NLGN1: variants seen among roughly 807,000 people sequenced by gnomAD.
NLGN1 encodes neuroligin 1.
NLGN1 carries 12 observed loss-of-function variants against 65.5 expected under a neutral mutation model. The ratio of observed to expected loss-of-function variants is 0.18; its 90% confidence interval spans 0.12 to 0.30. The LOEUF (loss-of-function observed/expected upper bound fraction) is 0.30. NLGN1 is among the 10% of genes least tolerant of loss of function. The pLI, the probability that NLGN1 is intolerant of heterozygous loss-of-function variation, is 1.00. For synonymous variants in NLGN1, 350 were observed against 359.5 expected (o/e 0.97, Z 0.30); for missense variants, 750 against 1,007.1 (o/e 0.74, Z 3.46).
At chr3:174,171,650 G>C (rs935103816) in intron 4 of NLGN1, among the ~76,000 whole-genome samples, 4 of 152,110 alleles carry the variant, frequency 2.6e-5, no homozygotes, top group Admixed American at 6.6e-5. Flanking sequence ...CATTTTTACA[G>C]AGTTGTCATA....
intron 4 of NLGN1, among the ~76,000 whole-genome samples, chr3:173,962,277 A>G (rs1248993061): frequency 2.0e-5 from 3 of 152,090 alleles, no homozygotes; most frequent in African/African-American, 7.2e-5. Context: ...TTGTCTTCAG[A>G]CGCATTTTGA....
intron 4 of NLGN1, among the ~76,000 whole-genome samples, chr3:174,236,029 A>G (rs1039383506): frequency 1.4e-4 from 22 of 152,148 alleles, no homozygotes; most frequent in African/African-American, 5.3e-4. Flanking sequence ...ACTCTTATTC[A>G]CTGCTCTTTC....
intron 4 of NLGN1, among the ~76,000 whole-genome samples, chr3:174,266,366 C>T (rs115781301): frequency 0.01 from 1,563 of 152,196 alleles, 28 homozygotes; most frequent in East Asian, 0.03. Context: ...GCTCCATCCA[C>T]GTTGCTGCAA....
chr3:174,219,504 A>T (rs1182934647), intron 4 of NLGN1, among the ~76,000 whole-genome samples: 1 of 152,138 alleles, frequency 6.6e-6, no homozygotes, highest in Admixed American at 6.5e-5. Flanking sequence ...CTGATTGATA[A>T]ATCTGGAATG....
At chr3:173,722,034 T>G (rs1164959680) in intron 3 of NLGN1, among the ~76,000 whole-genome samples, 1 of 151,818 alleles carries the variant, frequency 6.6e-6, no homozygotes, top group African/African-American at 2.4e-5. Context: ...TGCTACAAAA[T>G]TGTAAGTGCC....
rs763046532 is a variant in NLGN1, at chr3:173,918,702, GTATATA to G, written c.646+110878_646+110883del. ...TGTGTGTGTGTGTGTGTGTGTGTGTGTATATATATATATTGCATAGAATGGTAACGT... is the reference window on the plus strand; with the variant it reads ...TGTGTGTGTGTGTGTGTGTGTGTGTGTATATATTGCATAGAATGGTAACGT... On this transcript the variant is annotated intron_variant, in intron 4 of 6. Coordinates refer to ENST00000457714, the Ensembl canonical transcript of NLGN1. Among the ~76,000 whole-genome samples the G allele has an allele frequency of 7.4e-3, 501 of 68,012 alleles. 7 individuals are homozygous for G. The highest frequency in any genetic ancestry group is 0.026 in the African/African-American group (472 of 18,494). 44.6% of individuals were successfully genotyped at this position (68,012 alleles called of 152,430 possible). A position where few individuals can be genotyped will look rare whatever the true frequency, so the allele number is the denominator to read the frequency against.
intron 2 of NLGN1, among the ~76,000 whole-genome samples, chr3:173,593,731 C>A (rs1748949361): frequency 6.6e-6 from 1 of 152,124 alleles, no homozygotes; most frequent in Non-Finnish European, 1.5e-5. Context: ...AGTCTGTTTT[C>A]ATGCTGCTGA....
At chr3:174,025,792 G>T (rs1728718968) in intron 4 of NLGN1, among the ~76,000 whole-genome samples, 1 of 152,166 alleles carries the variant, frequency 6.6e-6, no homozygotes, top group Admixed American at 6.5e-5. Context: ...GGAAATGATT[G>T]TCACTGTAGA....
chr3:173,809,906 C>T (rs1286141884), intron 4 of NLGN1, among the ~76,000 whole-genome samples: 3 of 152,118 alleles, frequency 2.0e-5, no homozygotes, highest in Non-Finnish European at 2.9e-5. Flanking sequence ...TATGATTTCC[C>T]AGTGTTAAAT....
chr3:173,930,429 G>A (rs191267283), intron 4 of NLGN1, among the ~76,000 whole-genome samples: 42 of 152,208 alleles, frequency 2.8e-4, no homozygotes, highest in East Asian at 7.7e-4. Context: ...ACTGCAGCCC[G>A]CTGTGAAGGG....
At chr3:173,846,331 AG>A (rs1197133451) in intron 4 of NLGN1, among the ~76,000 whole-genome samples, 1 of 152,162 alleles carries the variant, frequency 6.6e-6, no homozygotes, top group Non-Finnish European at 1.5e-5. Flanking sequence ...TGGGTGACCC[AG>A]GGCTCAGTGC....
At chr3:173,938,929 A>G (rs1232336443) in intron 4 of NLGN1, among the ~76,000 whole-genome samples, 1 of 152,186 alleles carries the variant, frequency 6.6e-6, no homozygotes, top group Non-Finnish European at 1.5e-5. Context: ...CAGAGATATA[A>G]TTTGGGGTGA....
chr3:173,446,482 T>G (rs1720347841), intron 2 of NLGN1, among the ~76,000 whole-genome samples: 1 of 152,208 alleles, frequency 6.6e-6, no homozygotes, highest in Non-Finnish European at 1.5e-5. Context: ...GCATTTGGGT[T>G]GGTTCTAAGT....
chr3:173,590,364 A>C (rs77175108), intron 2 of NLGN1, among the ~76,000 whole-genome samples: 11 of 152,290 alleles, frequency 7.2e-5, no homozygotes, highest in Non-Finnish European at 1.3e-4. Flanking sequence ...GTTCTAATAC[A>C]TATGTTACTA....
At chr3:174,057,314 A>G (rs1196912503) in intron 4 of NLGN1, among the ~76,000 whole-genome samples, 2 of 152,034 alleles carry the variant, frequency 1.3e-5, no homozygotes, top group African/African-American at 4.8e-5. Context: ...TGCTACTGCA[A>G]TGCTTACTGG....
At chr3:173,498,244 C>T (rs571402036) in intron 2 of NLGN1, among the ~76,000 whole-genome samples, 3 of 151,662 alleles carry the variant, frequency 2.0e-5, no homozygotes, top group African/African-American at 7.3e-5. Context: ...GTGATGTTCC[C>T]CTTCCTGTGT....
chr3:173,840,174 C>T (rs1488196757), intron 4 of NLGN1, among the ~76,000 whole-genome samples: 3 of 152,056 alleles, frequency 2.0e-5, no homozygotes, highest in Non-Finnish European at 4.4e-5. Flanking sequence ...TCCAGAGTTG[C>T]CTTAATTGAC....
At chr3:174,169,122 G>A (rs1350512039) in intron 4 of NLGN1, among the ~76,000 whole-genome samples, 1 of 151,172 alleles carries the variant, frequency 6.6e-6, no homozygotes. Context: ...CAGGAAGGGT[G>A]GAGTGACTCA....
chr3:174,186,731 G>C (rs1264130327), intron 4 of NLGN1, among the ~76,000 whole-genome samples: 1 of 151,920 alleles, frequency 6.6e-6, no homozygotes, highest in Non-Finnish European at 1.5e-5. Flanking sequence ...AATTATACTT[G>C]TCATTCTAAA....
Sources: gnomAD v4.1 joint callset for allele counts (sites outside exome capture counted in the v4.1 genomes callset) on GRCh38, gnomAD v4.1.1 for gene constraint, MANE v1.5 for transcripts, NCBI Gene and HGNC (gene_info 2026-07-23, HGNC 2026-07-21) for gene names.